ZFHX4: variants seen among roughly 807,000 people sequenced by gnomAD.
The protein encoded by ZFHX4 is zinc finger homeobox 4, also known as zinc finger homeobox protein 4.
Under a neutral mutation model 267.6 loss-of-function variants are expected in ZFHX4, and 56 were observed. That is an observed-to-expected ratio of 0.21 (90% CI 0.17 to 0.26). ZFHX4 has a LOEUF of 0.26. ZFHX4 is among the 10% of genes least tolerant of loss of function. The pLI, the probability that ZFHX4 is intolerant of heterozygous loss-of-function variation, is 1.00. For missense variants in ZFHX4, 4,332 were observed against 4,420.0 expected (o/e 0.98, Z 0.56); for synonymous variants, 1,778 against 1,665.6 (o/e 1.07, Z -1.64).
chr8:76,829,515 A>G (rs1811877810), intron 4 of ZFHX4, among the ~76,000 whole-genome samples: 1 of 152,144 alleles, frequency 6.6e-6, no homozygotes, highest in Non-Finnish European at 1.5e-5. Context: ...CTTAACGATT[A>G]AAAGGAATTG....
In ZFHX4 at chr8:76,731,042, G is replaced by T. The variant is rs539978377; in HGVS notation, c.3093+22994G>T. 3.3e-5 allele frequency among the ~76,000 whole-genome samples: 5 copies of T among 152,242 alleles called. No homozygotes were observed. In the South Asian group the frequency reaches 6.2e-4, roughly 19 times the overall value. ...ATGAACCCTGGCTTCTCTCCTGGAGGCTGTGCTCTAATAATCATTCTTTAC... is the reference window on the plus strand; with the variant it reads ...ATGAACCCTGGCTTCTCTCCTGGAGTCTGTGCTCTAATAATCATTCTTTAC... On this transcript the variant is annotated intron_variant, in intron 3 of 10. Coordinates refer to ENST00000651372, the MANE Select transcript of ZFHX4 (RefSeq NM_024721.5).
chr8:76,811,834 G>C (rs1451645527), intron 4 of ZFHX4, among the ~76,000 whole-genome samples: 1 of 152,202 alleles, frequency 6.6e-6, no homozygotes, highest in African/African-American at 2.4e-5. Flanking sequence ...TGAGGCAGGA[G>C]AATGGCTTGA....
intron 4 of ZFHX4, among the ~76,000 whole-genome samples, chr8:76,821,527 A>AT (rs75521134): frequency 0.048 from 6,752 of 140,964 alleles, 458 homozygotes; most frequent in African/African-American, 0.15. Flanking sequence ...TCTTTCTGAG[A>AT]TTTTTTTTTT....
intron 3 of ZFHX4, among the ~76,000 whole-genome samples, chr8:76,744,206 T>C (rs143823039): frequency 0.017 from 2,602 of 151,802 alleles, 85 homozygotes; most frequent in African/African-American, 0.058. Context: ...ATTAGTCGGG[T>C]GTGGTGGTGC....
chr8:76,773,606 A>C (rs1395239646), intron 3 of ZFHX4, among the ~76,000 whole-genome samples: 3 of 152,180 alleles, frequency 2.0e-5, no homozygotes, highest in African/African-American at 7.2e-5. Context: ...AGATAGTAGA[A>C]TGGGCCCTTC....
At chr8:76,685,223 A>G (rs1807661752) in intron 1 of ZFHX4, among the ~76,000 whole-genome samples, 2 of 152,238 alleles carry the variant, frequency 1.3e-5, no homozygotes, top group East Asian at 3.8e-4. Flanking sequence ...CCAAGGGTCG[A>G]CAATGTGTCA....
intron 3 of ZFHX4, among the ~76,000 whole-genome samples, chr8:76,752,439 CA>C (rs1206807739): frequency 8.2e-6 from 1 of 122,394 alleles, no homozygotes; most frequent in East Asian, 2.3e-4. Context: ...GTCAGGAGTT[CA>C]AGACCAGCCT....
Position 76,803,394 on chromosome 8 carries a change from C to T in ZFHX4, c.3325+24955C>T, listed in dbSNP as rs188687939. Among the ~76,000 whole-genome samples the T allele has an allele frequency of 5.2e-4, 79 of 152,068 alleles. 1 individual carries two copies. The highest frequency in any genetic ancestry group is 1.8e-3 in the African/African-American group (76 of 41,508). ...AAATAGCCACGAATTTAATATTTAT[C>T]CTTGTAAACTGCATTTATATAATTA... On this transcript the variant is annotated intron_variant, in intron 4 of 10. Transcript: ENST00000651372.
chr8:76,686,922 CCCACAGGGAGAGGGT>C (rs780702271), intron 1 of ZFHX4, among the ~76,000 whole-genome samples: 1 of 152,144 alleles, frequency 6.6e-6, no homozygotes, highest in Non-Finnish European at 1.5e-5. Flanking sequence ...AAGGGCTGTA[CCCACAGGGAGAGGGT>C]TTCCCCCCCT....
chr8:76,823,870 G>A (rs984998822), intron 4 of ZFHX4, among the ~76,000 whole-genome samples: 1 of 152,044 alleles, frequency 6.6e-6, no homozygotes, highest in Non-Finnish European at 1.5e-5. Flanking sequence ...AATTGTAAAG[G>A]GTAGTTTATT....
intron 3 of ZFHX4, among the ~76,000 whole-genome samples, chr8:76,767,444 C>T (rs943220414): frequency 6.6e-6 from 1 of 152,048 alleles, no homozygotes; most frequent in Non-Finnish European, 1.5e-5. Context: ...CTTTTTCTCC[C>T]ACCTCTTCTG....
In ZFHX4 at chr8:76,852,014, T is replaced by C. The variant is rs556125485; in HGVS notation, c.5093T>C (p.Leu1698Pro). 35 of 1,613,998 alleles carry C rather than the reference T, an allele frequency of 2.2e-5. No homozygotes were observed. The Admixed American group carries it at 5.5e-4, about 25-fold the overall frequency. ...PQSPAQIQMQ[L>P]QHELQQQAAF... Reference sequence around the variant, plus strand: ...TCACCAGCACAAATTCAGATGCAACTACAGCACGAATTACAACAGCAAGCC... The same window carrying C: ...TCACCAGCACAAATTCAGATGCAACCACAGCACGAATTACAACAGCAAGCC... The change falls in exon 10 of 11, where the codon CTA (leucine) becomes CCA (proline). Residue 1698 changes from leucine to proline, a missense_variant. Physicochemically the swap from Leu to Pro is moderately conservative, Grantham distance 98. Coordinates refer to ENST00000651372, the MANE Select transcript of ZFHX4 (RefSeq NM_024721.5).
chr8:76,694,083 T>C (rs1300258374), intron 1 of ZFHX4, among the ~76,000 whole-genome samples: 4 of 152,160 alleles, frequency 2.6e-5, no homozygotes, highest in Non-Finnish European at 4.4e-5. Flanking sequence ...TCTGATTGGC[T>C]GTGGCTCCTC....
At chr8:76,777,689 T>C (rs960364888) in intron 3 of ZFHX4, among the ~76,000 whole-genome samples, 3 of 152,142 alleles carry the variant, frequency 2.0e-5, no homozygotes, top group Admixed American at 6.5e-5. Flanking sequence ...AAATATTAAT[T>C]AAACCTGAGA....
intron 3 of ZFHX4, among the ~76,000 whole-genome samples, chr8:76,716,049 G>A (rs571666173): frequency 6.6e-6 from 1 of 152,252 alleles, no homozygotes; most frequent in East Asian, 1.9e-4. Flanking sequence ...GGCTGAATGT[G>A]GGAAGAAATG....
intron 6 of ZFHX4, among the ~76,000 whole-genome samples, chr8:76,845,490 C>T (rs958854927): frequency 2.0e-5 from 3 of 151,896 alleles, no homozygotes; most frequent in African/African-American, 7.3e-5. Context: ...ATTCTAGTCT[C>T]ATTAGAAAGA....
intron 4 of ZFHX4, 48 bp downstream of exon 4, chr8:76,778,487 T>C: frequency 1.4e-6 from 2 of 1,398,584 alleles, no homozygotes; most frequent in Non-Finnish European, 2.0e-6. Context: ...TCCACACCAC[T>C]TCATCACACA....
At chr8:76,694,287 TG>T (rs1169203718) in intron 1 of ZFHX4, among the ~76,000 whole-genome samples, 16 of 152,340 alleles carry the variant, frequency 1.1e-4, no homozygotes, top group Non-Finnish European at 2.2e-4. Flanking sequence ...AGGAAACTAT[TG>T]CCTCTTTCTA....
rs1808304594 is a variant in ZFHX4, at chr8:76,707,408, A to T, written c.2591-138A>T. 1.6e-5 allele frequency: 12 copies of T among 769,316 alleles called. No individual in the cohort carries two copies. In the East Asian group the frequency reaches 3.3e-4, roughly 21 times the overall value. 47.7% of individuals were successfully genotyped at this position (769,316 alleles called of 1,614,324 possible). ...AAAGGGATGATTGTAATTGATCCTGATTGAATCCTATTACAGCTTTTTATA... is the reference window on the plus strand; with the variant it reads ...AAAGGGATGATTGTAATTGATCCTGTTTGAATCCTATTACAGCTTTTTATA... On this transcript the variant is annotated intron_variant, in intron 2 of 10. Transcript: ENST00000651372.
Sources: gnomAD v4.1 joint callset for allele counts (sites outside exome capture counted in the v4.1 genomes callset) on GRCh38, gnomAD v4.1.1 for gene constraint, MANE v1.5 for transcripts, NCBI Gene and HGNC (gene_info 2026-07-23, HGNC 2026-07-21) for gene names.